Variants in ST6GALNAC3 observed in about 807,000 individuals in gnomAD.
ST6GALNAC3 encodes the protein ST6 N-acetylgalactosaminide alpha-2,6-sialyltransferase 3.
A neutral mutation model predicts 32.7 loss-of-function variants in ST6GALNAC3; 25 were observed. The ratio of observed to expected loss-of-function variants is 0.76; its 90% CI spans 0.56 to 1.07. ST6GALNAC3 has a LOEUF of 1.07. Among genes scored for constraint, ST6GALNAC3 ranks in the 50% least tolerant of loss-of-function variants. ST6GALNAC3 has a pLI of 0.00. For missense variants in ST6GALNAC3, 355 were observed against 382.4 expected, an observed-to-expected ratio of 0.93 and a Z score of 0.60; for synonymous variants, 129 against 133.1, an observed-to-expected ratio of 0.97 and a Z score of 0.21.
intron 2 of ST6GALNAC3, among the ~76,000 whole-genome samples, chr1:76,349,639 C>A (rs1387637988): frequency 2.0e-5 from 3 of 152,142 alleles, no homozygotes; most frequent in African/African-American, 7.2e-5. Context: ...AAGATAGAAC[C>A]ATCCTGATAT....
chr1:76,618,870 A>T (rs1187886835), intron 3 of ST6GALNAC3, among the ~76,000 whole-genome samples: 1 of 152,196 alleles, frequency 6.6e-6, no homozygotes, highest in African/African-American at 2.4e-5. Context: ...GCCCAAATTC[A>T]ATGAGGCAGA....
At chr1:76,260,091 G>T (rs183908970) in intron 1 of ST6GALNAC3, among the ~76,000 whole-genome samples, 1 of 152,194 alleles carries the variant, frequency 6.6e-6, no homozygotes, top group Admixed American at 6.5e-5. Flanking sequence ...TGAACCCAAA[G>T]ACCTGTAGGT....
At chr1:76,280,283 A>G (rs1345871750) in intron 1 of ST6GALNAC3, among the ~76,000 whole-genome samples, 1 of 152,134 alleles carries the variant, frequency 6.6e-6, no homozygotes. Flanking sequence ...TTTTGTTTGA[A>G]TATATTTGGG....
At chr1:76,454,073 GT>G (rs899138085) in intron 3 of ST6GALNAC3, among the ~76,000 whole-genome samples, 11 of 152,024 alleles carry the variant, frequency 7.2e-5, no homozygotes, top group Non-Finnish European at 1.3e-4. Flanking sequence ...TTTAATGTTT[GT>G]TTTGTCTGAT....
At chr1:76,170,112 ATT>A (rs2100414702) in intron 1 of ST6GALNAC3, among the ~76,000 whole-genome samples, 1 of 152,278 alleles carries the variant, frequency 6.6e-6, no homozygotes, top group South Asian at 2.1e-4. Context: ...GAGGGCCAAC[ATT>A]CAGCTCCCAA....
At chr1:76,617,234 G>A (rs1213592135) in intron 3 of ST6GALNAC3, among the ~76,000 whole-genome samples, 1 of 152,154 alleles carries the variant, frequency 6.6e-6, no homozygotes, top group Non-Finnish European at 1.5e-5. Flanking sequence ...GAAAAGCTTG[G>A]TTTAATTCAA....
chr1:76,623,990 G>C (rs1252160186), intron 3 of ST6GALNAC3, among the ~76,000 whole-genome samples: 1 of 151,902 alleles, frequency 6.6e-6, no homozygotes, highest in African/African-American at 2.4e-5. Flanking sequence ...GCTCCAAATA[G>C]TTAGAGAAAA....
chr1:76,559,080 A>G (rs2100417274), intron 3 of ST6GALNAC3, among the ~76,000 whole-genome samples: 1 of 152,304 alleles, frequency 6.6e-6, no homozygotes, highest in South Asian at 2.1e-4. Context: ...AAATGCATAG[A>G]TAATATATCT....
At chr1:76,612,292 G>A (rs1647987340) in intron 3 of ST6GALNAC3, among the ~76,000 whole-genome samples, 1 of 152,144 alleles carries the variant, frequency 6.6e-6, no homozygotes, top group Non-Finnish European at 1.5e-5. Flanking sequence ...TCCACAGTGG[G>A]TGGAGGTAAT....
intron 1 of ST6GALNAC3, among the ~76,000 whole-genome samples, chr1:76,121,721 AC>A (rs1287479818): frequency 4.6e-5 from 7 of 152,168 alleles, no homozygotes; most frequent in Non-Finnish European, 8.8e-5. Flanking sequence ...ATCTCAAAAA[AC>A]AAAAAAAATG....
At chr1:76,480,465 G>T (rs1659649914) in intron 3 of ST6GALNAC3, among the ~76,000 whole-genome samples, 1 of 152,160 alleles carries the variant, frequency 6.6e-6, no homozygotes, top group African/African-American at 2.4e-5. Context: ...AAATACGATG[G>T]AATTTGAAAA....
intron 3 of ST6GALNAC3, among the ~76,000 whole-genome samples, chr1:76,535,197 C>T (rs1360406298): frequency 6.6e-6 from 1 of 152,100 alleles, no homozygotes; most frequent in African/African-American, 2.4e-5. Context: ...TGAACTACTA[C>T]CTGTAAAGAG....
chr1:76,510,219 C>T (rs1661761216), intron 3 of ST6GALNAC3, among the ~76,000 whole-genome samples: 1 of 152,188 alleles, frequency 6.6e-6, no homozygotes, highest in African/African-American at 2.4e-5. Flanking sequence ...ATTTAACCCA[C>T]AGCATACTAG....
At chr1:76,245,752 T>C (rs1657222062) in intron 1 of ST6GALNAC3, among the ~76,000 whole-genome samples, 1 of 151,664 alleles carries the variant, frequency 6.6e-6, no homozygotes, top group African/African-American at 2.4e-5. Flanking sequence ...GAGTTCTAAT[T>C]TGATTGCATT....
intron 1 of ST6GALNAC3, among the ~76,000 whole-genome samples, chr1:76,207,908 T>C (rs1437270351): frequency 6.6e-6 from 1 of 152,208 alleles, no homozygotes; most frequent in East Asian, 1.9e-4. Context: ...TAACATAAAA[T>C]GATCTTAGAA....
chr1:76,567,378 A>G (rs866524768), intron 3 of ST6GALNAC3, among the ~76,000 whole-genome samples: 5 of 152,214 alleles, frequency 3.3e-5, no homozygotes, highest in Admixed American at 2.6e-4. Flanking sequence ...ACAAGAGAAC[A>G]ATAATCAAAG....
chr1:76,079,942 T>A (rs770322290), intron 1 of ST6GALNAC3, among the ~76,000 whole-genome samples: 11 of 152,222 alleles, frequency 7.2e-5, no homozygotes, highest in Non-Finnish European at 1.3e-4. Context: ...GGTATTACCA[T>A]GTACTGTCAA....
At chr1:76,513,967 T>C (rs1316826200) in intron 3 of ST6GALNAC3, among the ~76,000 whole-genome samples, 2 of 152,204 alleles carry the variant, frequency 1.3e-5, no homozygotes, top group Admixed American at 1.3e-4. Context: ...AGTTGGCTTC[T>C]AGCATACAGA....
Position 76,545,015 on chromosome 1 carries a change from T to A in ST6GALNAC3, c.624-82437T>A, listed in dbSNP as rs78912512. On this transcript the variant is annotated intron_variant, in intron 3 of 4. Coordinates refer to ENST00000328299, the MANE Select transcript of ST6GALNAC3 (RefSeq NM_152996.4). Reference sequence around the variant, plus strand: ...CTTATCTTTCTCATTTTGCTGCAGATCAGTGAGAACTTTGTTATAAAACAG... The same window carrying A: ...CTTATCTTTCTCATTTTGCTGCAGAACAGTGAGAACTTTGTTATAAAACAG... 8.8e-3 allele frequency among the ~76,000 whole-genome samples: 1,339 copies of A among 152,302 alleles called. 16 individuals carry two copies. The highest frequency in any genetic ancestry group is 0.031 in the African/African-American group (1,280 of 41,558).
Sources: gnomAD v4.1 joint callset for allele counts (sites outside exome capture counted in the v4.1 genomes callset) on GRCh38, gnomAD v4.1.1 for gene constraint, MANE v1.5 for transcripts, NCBI Gene and HGNC (gene_info 2026-07-23, HGNC 2026-07-21) for gene names.